Variants in HIRA observed in about 807,000 individuals in gnomAD.
The protein encoded by HIRA is protein HIRA.
A neutral mutation model predicts 126.6 loss-of-function variants in HIRA; 13 were observed. The ratio of observed to expected loss-of-function variants is 0.10; its 90% CI spans 0.07 to 0.16. The LOEUF is 0.16. Ranked by LOEUF, HIRA falls within the 10% of genes least tolerant of loss-of-function variation. HIRA has a pLI of 1.00. For synonymous variants in HIRA, 511 were observed against 520.0 expected, an observed-to-expected ratio of 0.98 and a Z score of 0.24; for missense variants, 834 against 1,314.4, an observed-to-expected ratio of 0.63 and a Z score of 5.65.
At chr22:19,417,156 T>C (rs1286771787) in intron 1 of HIRA, among the ~76,000 whole-genome samples, 1 of 151,698 alleles carries the variant, frequency 6.6e-6, no homozygotes, top group Non-Finnish European at 1.5e-5. Flanking sequence ...GCTGAGATCG[T>C]GCCATTGCAC....
At chr22:19,385,490 T>C (rs375924824) in intron 12 of HIRA, 31 bp downstream of exon 12, 100 of 1,599,144 alleles carry the variant, frequency 6.3e-5, no homozygotes, top group South Asian at 2.1e-4. Flanking sequence ...CATATGTCCA[T>C]GTCTTTAGCG....
intron 24 of HIRA, among the ~76,000 whole-genome samples, chr22:19,349,911 C>T (rs2088735593): frequency 6.6e-6 from 1 of 152,208 alleles, no homozygotes; most frequent in Non-Finnish European, 1.5e-5. Flanking sequence ...GGATGTTCTT[C>T]TCCCAAATAT....
At position 19,422,925 on chromosome 22, in the gene HIRA, C is replaced by G. The variant is rs558129407; in HGVS notation, c.37+8515G>C. Among the ~76,000 whole-genome samples the G allele has an allele frequency of 3.3e-4, 50 of 152,254 alleles. No homozygotes were observed. In the East Asian group the frequency reaches 9.3e-3, roughly 28 times the overall value. On this transcript the variant is annotated intron_variant, in intron 1 of 24. Transcript: ENST00000263208. ...GCTGTGGACACGGGAGTAAAGGGCC[C>G]TGGTCTCCCACCCCAATCCACGACA...
At chr22:19,391,609 T>C (rs1319831366) in intron 9 of HIRA, among the ~76,000 whole-genome samples, 1 of 151,538 alleles carries the variant, frequency 6.6e-6, no homozygotes, top group East Asian at 1.9e-4. Context: ...GCCTCCCGAG[T>C]AGCTGGGACT....
At chr22:19,429,468 TA>T (rs1428262529) in intron 1 of HIRA, among the ~76,000 whole-genome samples, 1 of 152,220 alleles carries the variant, frequency 6.6e-6, no homozygotes, top group Admixed American at 6.5e-5. Context: ...CTCAGATTTC[TA>T]AAGCACTTAA....
chr22:19,414,386 C>A (rs562221477), intron 1 of HIRA, among the ~76,000 whole-genome samples: 15 of 152,310 alleles, frequency 9.8e-5, no homozygotes, highest in Non-Finnish European at 1.8e-4. Context: ...AAACTCTGAG[C>A]ACAGAGAGGT....
intron 24 of HIRA, among the ~76,000 whole-genome samples, chr22:19,350,416 T>G (rs2146186536): frequency 6.6e-6 from 1 of 152,356 alleles, no homozygotes; most frequent in South Asian, 2.1e-4. Context: ...ACCAACCTGT[T>G]ACCTTCTTGA....
chr22:19,338,391 T>C (rs1556006633), intron 24 of HIRA, among the ~76,000 whole-genome samples: 1 of 132,742 alleles, frequency 7.5e-6, no homozygotes, highest in African/African-American at 2.8e-5. Context: ...ACAGGGTCTA[T>C]AAAACAATAA....
At chr22:19,417,788 T>C (rs144134013) in intron 1 of HIRA, among the ~76,000 whole-genome samples, 1 of 152,330 alleles carries the variant, frequency 6.6e-6, no homozygotes, top group African/African-American at 2.4e-5. Flanking sequence ...GAAGAGCTAT[T>C]TGTACACCCA....
Position 19,412,757 on chromosome 22 carries a change from T to C in HIRA, c.38-1979A>G, listed in dbSNP as rs139569608. ...GGGCTCAGCTGCACAAGTAACCAAT[T>C]ACAGCCCATGCGCTTTAGATCATGC... On this transcript the variant is annotated intron_variant, in intron 1 of 24. Transcript: ENST00000263208. Among the ~76,000 whole-genome samples the C allele has an allele frequency of 2.9e-3, 438 of 152,256 alleles. 12 individuals are homozygous for C. Among genetic ancestry groups the C allele is most frequent in the Admixed American group, 0.027 (410 of 15,294 alleles).
intron 24 of HIRA, among the ~76,000 whole-genome samples, chr22:19,334,679 C>T (rs1041812056): frequency 2.2e-4 from 34 of 151,978 alleles, no homozygotes; most frequent in African/African-American, 8.2e-4. Context: ...GCCTTGGCCT[C>T]CCAAAGTGCT....
chr22:19,430,028 G>A (rs560198913), intron 1 of HIRA: 2 of 152,266 alleles, frequency 1.3e-5, no homozygotes, highest in South Asian at 2.1e-4. Context: ...TCAAGGCTTC[G>A]GCTTTCATGC....
intron 1 of HIRA, chr22:19,430,300 C>G (rs922149988): frequency 2.4e-4 from 36 of 152,190 alleles, no homozygotes; most frequent in African/African-American, 8.7e-4. Context: ...AACACGTGAA[C>G]CTAGTCCCTG....
chr22:19,361,675 C>T, intron 16 of HIRA, 52 bp downstream of exon 16: 2 of 1,577,682 alleles, frequency 1.3e-6, no homozygotes, highest in South Asian at 2.2e-5. Flanking sequence ...CCTTCAAGCT[C>T]TAAGTACAGA....
At chr22:19,346,836 C>T (rs564825775) in intron 24 of HIRA, among the ~76,000 whole-genome samples, 8 of 152,278 alleles carry the variant, frequency 5.3e-5, no homozygotes, top group African/African-American at 1.9e-4. Flanking sequence ...TACATACTGA[C>T]AGGTGACTCT....
chr22:19,405,897 C>T lies in HIRA; in HGVS notation c.303-17G>A. On this transcript the variant is annotated splice_polypyrimidine_tract_variant and intron_variant, in intron 4 of 24. Transcript: ENST00000263208. ...CCGATGTACCTGTGTGAGAAAGGGG[C>T]CAAAAAGGCACTCATGGAGTGCTCT... is the stretch of plus-strand genomic sequence containing the variant. 8 of 1,441,822 alleles carry T rather than the reference C, an allele frequency of 5.5e-6. No homozygotes were observed. Among genetic ancestry groups the T allele is most frequent in the South Asian group, 1.5e-5 (1 of 65,528 alleles). 89.3% of individuals were successfully genotyped at this position (1,441,822 alleles called of 1,614,324 possible).
intron 1 of HIRA, among the ~76,000 whole-genome samples, chr22:19,430,931 C>T (rs991936696): frequency 6.6e-6 from 1 of 152,162 alleles, no homozygotes; most frequent in Non-Finnish European, 1.5e-5. Flanking sequence ...GGGCCCGGGG[C>T]CCCCAAACCC....
intron 11 of HIRA, among the ~76,000 whole-genome samples, chr22:19,387,242 C>T (rs1282880082): frequency 1.3e-5 from 2 of 152,220 alleles, no homozygotes; most frequent in African/African-American, 2.4e-5. Flanking sequence ...GCTTAGTTTC[C>T]ATATCCACGA....
intron 3 of HIRA, 76 bp from the exon 4 acceptor site, chr22:19,407,350 GTAAAGGGTTTATAAAATC>G (rs1456294771): frequency 2.6e-6 from 3 of 1,155,698 alleles, no homozygotes; most frequent in Non-Finnish European, 3.9e-6. Context: ...TTGGCAAGAT[GTAAAGGGTTTATAAAATC>G]TAATCTATCT....
Sources: allele counts gnomAD v4.1 joint callset (sites outside exome capture counted in the v4.1 genomes callset), GRCh38; gene constraint gnomAD v4.1.1; transcripts MANE v1.5; gene names NCBI Gene and HGNC (gene_info 2026-07-23, HGNC 2026-07-21).